The following RABGAP1L variants were observed in gnomAD, a reference collection of about 807,000 sequenced individuals.
The protein encoded by RABGAP1L is rab GTPase-activating protein 1-like.
In RABGAP1L, 63 loss-of-function variants were observed where a neutral mutation model predicts 137.7. That is an observed-to-expected ratio of 0.46 (90% CI 0.37 to 0.56). The LOEUF is 0.56. Among genes scored for constraint, RABGAP1L ranks in the 20% least tolerant of loss-of-function variants. The pLI is 0.00. For missense variants in RABGAP1L, 1,095 were observed against 1,244.0 expected (o/e 0.88, Z 1.80); for synonymous variants, 431 against 433.7 (o/e 0.99, Z 0.08).
chr1:174,281,375 A>G (rs1052988494), intron 10 of RABGAP1L, among the ~76,000 whole-genome samples: 13 of 152,066 alleles, frequency 8.5e-5, no homozygotes, highest in African/African-American at 3.1e-4. Flanking sequence ...TGTGTTTACA[A>G]ACCATTAGCT....
chr1:174,550,983 C>CATATATATATATACACATATATATATAT (rs1336562201), intron 13 of RABGAP1L, among the ~76,000 whole-genome samples: 2 of 83,426 alleles, frequency 2.4e-5, no homozygotes, highest in Non-Finnish European at 3.9e-5. Flanking sequence ...TGTATATATA[C>CATATATATATATACACATATATATATAT]ATATATATAT....
At position 174,584,194 on chromosome 1, in the gene RABGAP1L, G is replaced by A. The variant is rs75534464; in HGVS notation, c.1711-53181G>A. 4.7e-3 allele frequency among the ~76,000 whole-genome samples: 712 copies of A among 152,238 alleles called. 6 individuals are homozygous for A. The highest frequency in any genetic ancestry group is 0.014 in the African/African-American group (591 of 41,548). ...AACTCTGGCAATGTCAACATAATCA[G>A]ATCACTGCCATCTCAATACAGGATT... On this transcript the variant is annotated intron_variant, in intron 13 of 25. Coordinates refer to ENST00000681986, the MANE Select transcript of RABGAP1L (RefSeq NM_001366446.1).
At chr1:174,420,667 T>A (rs1256650060) in intron 13 of RABGAP1L, among the ~76,000 whole-genome samples, 1 of 145,838 alleles carries the variant, frequency 6.9e-6, no homozygotes, top group Non-Finnish European at 1.5e-5. Flanking sequence ...GTGTGGATTC[T>A]GGGTGTTTTG....
chr1:174,425,710 A>G (rs866554749), intron 13 of RABGAP1L, among the ~76,000 whole-genome samples: 5 of 152,188 alleles, frequency 3.3e-5, no homozygotes, highest in Non-Finnish European at 2.9e-5. Context: ...TTCCATTAAT[A>G]CAGTGTATGC....
chr1:174,524,198 GTTGTTGTTGTTT>G (rs1446639654), intron 13 of RABGAP1L, among the ~76,000 whole-genome samples: 1 of 150,436 alleles, frequency 6.6e-6, no homozygotes, highest in Non-Finnish European at 1.5e-5. Context: ...TGTTGTTGTT[GTTGTTGTTGTTT>G]TTTTAAGAAA....
intron 20 of RABGAP1L, among the ~76,000 whole-genome samples, chr1:174,960,140 C>T (rs936900211): frequency 2.0e-5 from 3 of 152,114 alleles, no homozygotes; most frequent in Non-Finnish European, 4.4e-5. Flanking sequence ...TTTCCACACC[C>T]TAGCTTGCCA....
intron 18 of RABGAP1L, among the ~76,000 whole-genome samples, chr1:174,782,953 AC>A (rs1397068574): frequency 6.6e-6 from 1 of 151,938 alleles, no homozygotes; most frequent in Admixed American, 6.5e-5. Flanking sequence ...GGATCGGGCA[AC>A]CCCCTTTGGG....
At chr1:174,574,712 G>A (rs2038025) in intron 13 of RABGAP1L, among the ~76,000 whole-genome samples, 75,803 of 151,996 alleles carry the variant, frequency 0.5, 21,456 homozygotes, top group African/African-American at 0.79. Context: ...AACTGTTAGA[G>A]TATTCTTCTT....
chr1:174,669,573 G>A (rs962774476), intron 14 of RABGAP1L, among the ~76,000 whole-genome samples: 12 of 152,072 alleles, frequency 7.9e-5, no homozygotes, highest in African/African-American at 2.9e-4. Flanking sequence ...CAATGTCCTT[G>A]AGCGTTTTCT....
intron 7 of RABGAP1L, 90 bp from the exon 8 acceptor site, chr1:174,272,324 G>A (rs1378186631): frequency 4.4e-6 from 6 of 1,349,474 alleles, no homozygotes; most frequent in Non-Finnish European, 6.0e-6. Context: ...AGCTCAGATT[G>A]TATAGTTATT....
intron 19 of RABGAP1L, among the ~76,000 whole-genome samples, chr1:174,911,499 C>T (rs1193948910): frequency 1.3e-5 from 2 of 152,176 alleles, no homozygotes; most frequent in Non-Finnish European, 2.9e-5. Context: ...TTCACTAAAA[C>T]TTATAAAATC....
intron 14 of RABGAP1L, among the ~76,000 whole-genome samples, chr1:174,682,827 T>C (rs1369971647): frequency 6.6e-6 from 1 of 152,240 alleles, no homozygotes; most frequent in Non-Finnish European, 1.5e-5. Flanking sequence ...GTACTCCAGA[T>C]GGCCTGGTTA....
At chr1:174,160,473 G>A (rs1272535919) in intron 1 of RABGAP1L, among the ~76,000 whole-genome samples, 1 of 152,200 alleles carries the variant, frequency 6.6e-6, no homozygotes, top group African/African-American at 2.4e-5. Flanking sequence ...TAGGCAGTGT[G>A]TCCAGGTCCT....
chr1:174,801,144 C>G (rs1482196205), intron 18 of RABGAP1L, among the ~76,000 whole-genome samples: 3 of 152,078 alleles, frequency 2.0e-5, no homozygotes, highest in Non-Finnish European at 4.4e-5. Flanking sequence ...CATTTCCTAC[C>G]AAGGGTTAAA....
intron 19 of RABGAP1L, chr1:174,892,695 C>T: frequency 1.9e-6 from 1 of 520,338 alleles, no homozygotes. Context: ...GTGAATATTG[C>T]TATTGCTTCA....
chr1:174,931,594 C>T (rs1663802868), intron 19 of RABGAP1L, among the ~76,000 whole-genome samples: 2 of 152,152 alleles, frequency 1.3e-5, no homozygotes, highest in Non-Finnish European at 2.9e-5. Context: ...TTCTATTTTG[C>T]TCTTTGCCTA....
chr1:174,969,147 T>C, intron 20 of RABGAP1L, 130 bp from the exon 21 acceptor site: 2 of 672,442 alleles, frequency 3.0e-6, no homozygotes, highest in South Asian at 3.6e-5. Context: ...CCTGCCTTCC[T>C]GTGCCACTTG....
rs117765465 is a variant in RABGAP1L, at chr1:174,338,092, A to T, written c.1466-32887A>T. On this transcript the variant is annotated intron_variant, in intron 11 of 25. Coordinates refer to ENST00000681986, the MANE Select transcript of RABGAP1L (RefSeq NM_001366446.1). ...CTCTTGACCTTTTTCTCTACAGATA[A>T]CCAGTGGTATTTCAAAAAACAATTT... is the stretch of plus-strand genomic sequence containing the variant. Among the ~76,000 whole-genome samples the T allele has an allele frequency of 5.9e-5, 9 of 152,240 alleles. No individual in the cohort carries two copies. In the South Asian group the frequency reaches 1.0e-3, roughly 18 times the overall value.
chr1:174,852,813 C>CT (rs1277938953), intron 19 of RABGAP1L, among the ~76,000 whole-genome samples: 1 of 82,598 alleles, frequency 1.2e-5, no homozygotes, highest in East Asian at 9.7e-4. Context: ...AAGATTTGGT[C>CT]TCAAAAAAAA....
Sources: gnomAD v4.1 joint callset for allele counts (sites outside exome capture counted in the v4.1 genomes callset) on GRCh38, gnomAD v4.1.1 for gene constraint, MANE v1.5 for transcripts, NCBI Gene and HGNC (gene_info 2026-07-23, HGNC 2026-07-21) for gene names.